The following SEMA5A variants were observed in gnomAD, a reference collection of about 807,000 sequenced individuals.
SEMA5A encodes semaphorin-5A.
In SEMA5A, 55 loss-of-function variants were observed where a neutral mutation model predicts 135.5. The observed-to-expected ratio is 0.41, with a 90% CI of 0.33 to 0.51. The LOEUF (loss-of-function observed/expected upper bound fraction) is 0.51. Among genes scored for constraint, SEMA5A ranks in the 20% least tolerant of loss-of-function variants. The pLI, the probability that SEMA5A is intolerant of heterozygous loss-of-function variation, is 0.37. For missense variants in SEMA5A, 1,290 were observed against 1,419.9 expected (o/e 0.91, Z 1.47); for synonymous variants, 580 against 546.5 (o/e 1.06, Z -0.85).
chr5:9,534,571 A>G (rs888596193), intron 1 of SEMA5A, among the ~76,000 whole-genome samples: 1 of 152,138 alleles, frequency 6.6e-6, no homozygotes, highest in African/African-American at 2.4e-5. Flanking sequence ...ATCCCCATGG[A>G]ACATCATGGT....
chr5:9,065,345 C>A (rs1737406937), intron 17 of SEMA5A, among the ~76,000 whole-genome samples: 1 of 152,194 alleles, frequency 6.6e-6, no homozygotes, highest in East Asian at 1.9e-4. Context: ...CACAGAGCCA[C>A]ACTGTCTCAG....
At chr5:9,503,293 T>C (rs557591266) in intron 1 of SEMA5A, among the ~76,000 whole-genome samples, 1 of 152,250 alleles carries the variant, frequency 6.6e-6, no homozygotes, top group African/African-American at 2.4e-5. Context: ...AAGGCAGAAC[T>C]GTGAGGTTCA....
At chr5:9,156,528 C>A (rs1021792671) in intron 11 of SEMA5A, among the ~76,000 whole-genome samples, 3 of 152,170 alleles carry the variant, frequency 2.0e-5, no homozygotes, top group Admixed American at 6.5e-5. Context: ...AAGAGGACAT[C>A]ATCTGAGACA....
At chr5:9,476,589 G>A (rs771487336) in intron 1 of SEMA5A, among the ~76,000 whole-genome samples, 3 of 152,058 alleles carry the variant, frequency 2.0e-5, no homozygotes, top group Non-Finnish European at 2.9e-5. Context: ...TCCACACAGA[G>A]CTCAAACCAC....
intron 3 of SEMA5A, among the ~76,000 whole-genome samples, chr5:9,346,936 G>C (rs1296341869): frequency 1.3e-5 from 2 of 150,720 alleles, no homozygotes; most frequent in African/African-American, 4.9e-5. Flanking sequence ...ATATGTATTT[G>C]CCTAAGTGTA....
intron 5 of SEMA5A, among the ~76,000 whole-genome samples, chr5:9,305,014 C>T (rs908418312): frequency 7.2e-5 from 11 of 152,130 alleles, no homozygotes; most frequent in African/African-American, 1.7e-4. Context: ...AAGATGCCTT[C>T]GGTAACTGTA....
chr5:9,370,869 C>T (rs1350354378), intron 3 of SEMA5A, among the ~76,000 whole-genome samples: 1 of 152,190 alleles, frequency 6.6e-6, no homozygotes, highest in African/African-American at 2.4e-5. Context: ...CACATTTAAT[C>T]TCCAACTCTT....
chr5:9,112,782 T>C (rs576862459), intron 15 of SEMA5A, among the ~76,000 whole-genome samples: 33 of 152,326 alleles, frequency 2.2e-4, no homozygotes, highest in African/African-American at 7.9e-4. Flanking sequence ...GAATGGGACC[T>C]GTCACTGGCT....
intron 22 of SEMA5A, 121 bp downstream of exon 22, chr5:9,044,252 T>A (rs1736119266): frequency 2.4e-6 from 2 of 830,672 alleles, no homozygotes; most frequent in South Asian, 3.2e-5. Context: ...TTTCTTATTC[T>A]CACATAGGGA....
rs540461796 is a variant in SEMA5A, at chr5:9,263,264, G to A, written c.271-25374C>T. 7.9e-5 allele frequency among the ~76,000 whole-genome samples: 12 copies of A among 152,238 alleles called. No homozygotes were observed. In the South Asian group the frequency reaches 2.1e-3, roughly 26 times the overall value. On this transcript the variant is annotated intron_variant, in intron 5 of 22. Coordinates refer to ENST00000382496, the MANE Select transcript of SEMA5A (RefSeq NM_003966.3). Reference sequence around the variant, plus strand: ...CAGGGGTCCCCAACACCCAAGCCACGGACTGGTCCTGGTCCATGGCCTGTT... The same window carrying A: ...CAGGGGTCCCCAACACCCAAGCCACAGACTGGTCCTGGTCCATGGCCTGTT...
chr5:9,276,367 G>A (rs1440691843), intron 5 of SEMA5A, among the ~76,000 whole-genome samples: 1 of 152,136 alleles, frequency 6.6e-6, no homozygotes, highest in African/African-American at 2.4e-5. Flanking sequence ...TCAATATTGT[G>A]AAAATGGCCA....
At chr5:9,463,621 T>C (rs1347000501) in intron 1 of SEMA5A, among the ~76,000 whole-genome samples, 1 of 152,196 alleles carries the variant, frequency 6.6e-6, no homozygotes, top group African/African-American at 2.4e-5. Context: ...TGCAAAATTA[T>C]AGGTTCAGCA....
chr5:9,418,078 G>A (rs1415980280), intron 2 of SEMA5A, among the ~76,000 whole-genome samples: 3 of 151,536 alleles, frequency 2.0e-5, no homozygotes, highest in Non-Finnish European at 4.4e-5. Flanking sequence ...CCGGGTTCAC[G>A]CCATTCTCCT....
chr5:9,505,957 C>A (rs893382275), intron 1 of SEMA5A, among the ~76,000 whole-genome samples: 1 of 152,100 alleles, frequency 6.6e-6, no homozygotes, highest in East Asian at 1.9e-4. Flanking sequence ...GAAACTAAAA[C>A]CATAAAGAAT....
intron 5 of SEMA5A, among the ~76,000 whole-genome samples, chr5:9,289,517 T>G (rs988601402): frequency 5.3e-5 from 8 of 151,966 alleles, no homozygotes; most frequent in African/African-American, 1.9e-4. Context: ...TACAAAAAAT[T>G]AGCCAGGCGT....
intron 1 of SEMA5A, among the ~76,000 whole-genome samples, chr5:9,508,666 T>G (rs982835381): frequency 6.6e-6 from 1 of 152,152 alleles, no homozygotes; most frequent in Non-Finnish European, 1.5e-5. Context: ...GGTCCTCCTT[T>G]GTAAGGTCTT....
chr5:9,280,251 T>C (rs1750470242), intron 5 of SEMA5A, among the ~76,000 whole-genome samples: 1 of 152,222 alleles, frequency 6.6e-6, no homozygotes, highest in Non-Finnish European at 1.5e-5. Context: ...ATTCAACAGA[T>C]TCCATTTGTT....
At chr5:9,180,260 A>G (rs1443581747) in intron 11 of SEMA5A, among the ~76,000 whole-genome samples, 2 of 152,200 alleles carry the variant, frequency 1.3e-5, no homozygotes, top group Non-Finnish European at 2.9e-5. Flanking sequence ...AGGAATTTCA[A>G]CATACCTTCT....
chr5:9,173,870 A>G (rs1008531602), intron 11 of SEMA5A, among the ~76,000 whole-genome samples: 2 of 152,122 alleles, frequency 1.3e-5, no homozygotes, highest in African/African-American at 4.8e-5. Flanking sequence ...ATAGCTCAAA[A>G]CATCATTCCT....
Sources: allele counts gnomAD v4.1 joint callset (sites outside exome capture counted in the v4.1 genomes callset), GRCh38; gene constraint gnomAD v4.1.1; transcripts MANE v1.5; gene names NCBI Gene and HGNC (gene_info 2026-07-23, HGNC 2026-07-21).